PIP5K1B: variants seen among roughly 807,000 people sequenced by gnomAD.
PIP5K1B encodes the protein phosphatidylinositol 4-phosphate 5-kinase type-1 beta.
Under a neutral mutation model 67.0 loss-of-function variants are expected in PIP5K1B, and 42 were observed. The ratio of observed to expected loss-of-function variants is 0.63; its 90% CI spans 0.49 to 0.81. PIP5K1B has a LOEUF of 0.81. PIP5K1B is among the 30% of genes least tolerant of loss of function. The probability of loss-of-function intolerance (pLI) is 0.00; values close to 1 mark genes in which losing one functional copy is unlikely to be tolerated. For missense variants in PIP5K1B, 459 were observed against 646.3 expected, an observed-to-expected ratio of 0.71 and a Z score of 3.14; for synonymous variants, 214 against 231.4, an observed-to-expected ratio of 0.92 and a Z score of 0.68.
At chr9:68,793,741 A>C (rs558978147) in intron 2 of PIP5K1B, among the ~76,000 whole-genome samples, 1 of 152,272 alleles carries the variant, frequency 6.6e-6, no homozygotes, top group South Asian at 2.1e-4. Flanking sequence ...ATTCAAGTGG[A>C]GGCATCAAGT....
intron 14 of PIP5K1B, among the ~76,000 whole-genome samples, chr9:68,969,863 A>G (rs1280518656): frequency 6.6e-6 from 1 of 152,246 alleles, no homozygotes; most frequent in African/African-American, 2.4e-5. Flanking sequence ...GAAGAACAAA[A>G]GAGAATGTGA....
intron 1 of PIP5K1B, among the ~76,000 whole-genome samples, chr9:68,736,426 A>AT (rs1487451741): frequency 6.6e-6 from 1 of 152,198 alleles, no homozygotes; most frequent in East Asian, 1.9e-4. Flanking sequence ...GGTTTATAAC[A>AT]TTCAGTGGCT....
intron 4 of PIP5K1B, among the ~76,000 whole-genome samples, chr9:68,824,563 C>G (rs1049543249): frequency 1.3e-5 from 2 of 151,928 alleles, no homozygotes; most frequent in African/African-American, 4.8e-5. Context: ...GTAATAATAT[C>G]AGGATCTTAT....
At chr9:68,955,766 T>C (rs144489081) in intron 14 of PIP5K1B, among the ~76,000 whole-genome samples, 18 of 152,370 alleles carry the variant, frequency 1.2e-4, no homozygotes, top group African/African-American at 4.1e-4. Flanking sequence ...AGTATTTTAC[T>C]GTATCCATAT....
intron 7 of PIP5K1B, 81 bp from the exon 8 acceptor site, chr9:68,894,258 G>A: frequency 2.3e-6 from 2 of 859,488 alleles, no homozygotes; most frequent in South Asian, 3.5e-5. Context: ...TATTATATCA[G>A]CATGAAAACA....
intron 1 of PIP5K1B, chr9:68,728,939 G>A (rs1196015887): frequency 6.6e-6 from 1 of 152,182 alleles, no homozygotes; most frequent in Non-Finnish European, 1.5e-5. Flanking sequence ...CCTTCTGTAA[G>A]TGAAAGTGTT....
At chr9:68,980,733 C>A (rs1434666740) in intron 14 of PIP5K1B, among the ~76,000 whole-genome samples, 1 of 152,200 alleles carries the variant, frequency 6.6e-6, no homozygotes, top group Non-Finnish European at 1.5e-5. Flanking sequence ...AGACGCAGAG[C>A]TTGTATCAAG....
chr9:68,799,304 G>T (rs897740259), intron 2 of PIP5K1B, among the ~76,000 whole-genome samples: 2 of 152,118 alleles, frequency 1.3e-5, no homozygotes, highest in Non-Finnish European at 2.9e-5. Flanking sequence ...TAATTTTAGG[G>T]TACACAACAG....
Position 69,008,527 on chromosome 9 carries a change from T to TA in PIP5K1B, c.*79dup. On this transcript the variant is annotated 3_prime_UTR_variant, in exon 16 of 16. Transcript: ENST00000265382. ...CAGAGAAGTTTCTCCGCACCAGAAT[T>TA]ATCCACAGCAACTTGGCTGAGCCCC... The TA allele has an allele frequency of 7.1e-7, 1 of 1,411,290 alleles. No homozygotes were observed. Among genetic ancestry groups the TA allele is most frequent in the South Asian group, 1.2e-5 (1 of 86,930 alleles). 87.4% of individuals were successfully genotyped at this position (1,411,290 alleles called of 1,614,324 possible).
intron 8 of PIP5K1B, among the ~76,000 whole-genome samples, chr9:68,906,419 G>T (rs1825613221): frequency 6.6e-6 from 1 of 152,136 alleles, no homozygotes; most frequent in African/African-American, 2.4e-5. Flanking sequence ...TGTCCGTGGG[G>T]GGAATGTCTC....
At chr9:68,707,688 G>C (rs753361261) in intron 1 of PIP5K1B, 15 of 152,150 alleles carry the variant, frequency 9.9e-5, no homozygotes, top group Middle Eastern at 3.2e-3. Flanking sequence ...CTAGAACTTG[G>C]ATCTTCTGAT....
intron 11 of PIP5K1B, among the ~76,000 whole-genome samples, chr9:68,920,784 T>TCTCTCTCTCACACACA (rs879785029): frequency 4.2e-5 from 6 of 142,134 alleles, no homozygotes; most frequent in African/African-American, 1.4e-4. Context: ...TCTCTCTCTC[T>TCTCTCTCTCACACACA]CACACACATA....
intron 4 of PIP5K1B, among the ~76,000 whole-genome samples, chr9:68,832,198 T>G (rs559495193): frequency 3.6e-4 from 55 of 152,190 alleles, no homozygotes; most frequent in Non-Finnish European, 3.4e-4. Flanking sequence ...ATTTCAAAAA[T>G]TATCCCTGAG....
At chr9:68,896,193 C>T (rs1273561565) in intron 8 of PIP5K1B, among the ~76,000 whole-genome samples, 1 of 152,006 alleles carries the variant, frequency 6.6e-6, no homozygotes, top group Non-Finnish European at 1.5e-5. Flanking sequence ...TTTTTCTGCC[C>T]TTTACAGGAT....
intron 4 of PIP5K1B, among the ~76,000 whole-genome samples, chr9:68,831,330 C>G (rs894000824): frequency 6.6e-6 from 1 of 152,152 alleles, no homozygotes; most frequent in Admixed American, 6.5e-5. Context: ...AGTGCATGCC[C>G]GCTATCATTC....
rs527411568 is a variant in PIP5K1B at position 68,855,791 on chromosome 9, C to T, written c.70-8046C>T. Among the ~76,000 whole-genome samples the T allele has an allele frequency of 7.2e-5, 11 of 152,272 alleles. No individual in the cohort carries two copies. The South Asian group carries it at 2.1e-3, about 29-fold the overall frequency. ...CCCTCCAATGAAACTGGTTGTAGGACTATGGAAATGATACAGTTTGTGGGT... is the reference window on the plus strand; with the variant it reads ...CCCTCCAATGAAACTGGTTGTAGGATTATGGAAATGATACAGTTTGTGGGT... On this transcript the variant is annotated intron_variant, in intron 4 of 15. Transcript: ENST00000265382.
chr9:68,975,557 G>A (rs1181673309), intron 14 of PIP5K1B, among the ~76,000 whole-genome samples: 6 of 152,170 alleles, frequency 3.9e-5, no homozygotes, highest in African/African-American at 1.2e-4. Context: ...CCTATTTGCC[G>A]AGGCCAGCTT....
intron 2 of PIP5K1B, among the ~76,000 whole-genome samples, chr9:68,766,699 T>G (rs1307502711): frequency 6.6e-6 from 1 of 152,186 alleles, no homozygotes; most frequent in Non-Finnish European, 1.5e-5. Flanking sequence ...TTTCAACTAT[T>G]TTTTTCTATG....
At chr9:68,942,829 A>G (rs1351802043) in intron 14 of PIP5K1B, among the ~76,000 whole-genome samples, 1 of 152,224 alleles carries the variant, frequency 6.6e-6, no homozygotes, top group Non-Finnish European at 1.5e-5. Flanking sequence ...TTCACTATCA[A>G]TCAAGGTTCA....
Sources: gnomAD v4.1 joint callset for allele counts (sites outside exome capture counted in the v4.1 genomes callset) on GRCh38, gnomAD v4.1.1 for gene constraint, MANE v1.5 for transcripts, NCBI Gene and HGNC (gene_info 2026-07-23, HGNC 2026-07-21) for gene names.